DOK3: variants seen among roughly 807,000 people sequenced by gnomAD.
The protein encoded by DOK3 is Dok-like protein.
A neutral mutation model predicts 26.2 loss-of-function variants in DOK3; 23 were observed. The observed-to-expected ratio is 0.88, with a 90% CI of 0.63 to 1.24. DOK3 has a LOEUF of 1.24. DOK3 is among the 50% of genes most tolerant of loss of function. The pLI is 0.00. For synonymous variants in DOK3, 268 were observed against 268.2 expected, an observed-to-expected ratio of 1.00 and a Z score of 0.01; for missense variants, 619 against 610.6, an observed-to-expected ratio of 1.01 and a Z score of -0.15.
rs1369931485 is a variant in DOK3 at position 177,508,475 on chromosome 5, C to T, written c.134G>A (p.Ser45Asn). Residue 45 changes from serine to asparagine, a missense_variant, in exon 3 of 6, where the codon AGC becomes AAC. Physicochemically the swap from Ser to Asn is conservative, Grantham distance 46. Coordinates refer to ENST00000510898, the MANE Select transcript of DOK3 (RefSeq NM_001308236.3). Reference protein sequence around the residue: ...GGPSGVARLESWEVRDGGLGA... With the variant: ...GGPSGVARLENWEVRDGGLGA... ...CAGGCCACCATCCCGGACCTCCCAG[C>T]TCTCCAGCCGTGCCACGCCTGATGG... 4 of 1,590,390 alleles carry T rather than the reference C, an allele frequency of 2.5e-6. No homozygotes were observed. The highest frequency in any genetic ancestry group is 2.6e-6 in the Non-Finnish European group (3 of 1,169,416).
At position 177,505,125 on chromosome 5, in the gene DOK3, C is replaced by A. The variant is rs769284032; in HGVS notation, c.373-15G>T. 3.1e-5 allele frequency: 50 copies of A among 1,593,706 alleles called. No homozygotes were observed. The highest frequency in any genetic ancestry group is 1.7e-4 in the Middle Eastern group (1 of 5,958). Reference sequence around the variant, plus strand: ...TCCCCTGTCCCCTGGGGAATGAGTTCAAGTCAAAGGTGAGAGCACCGCACT... The same window carrying A: ...TCCCCTGTCCCCTGGGGAATGAGTTAAAGTCAAAGGTGAGAGCACCGCACT... On this transcript the variant is annotated splice_polypyrimidine_tract_variant and intron_variant, in intron 3 of 5. Transcript: ENST00000510898.
chr5:177,504,763 G>C lies in DOK3; in HGVS notation c.625C>G (p.Arg209Gly). 1 of 1,614,040 alleles carries C rather than the reference G, an allele frequency of 6.2e-7. No homozygotes were observed. Among genetic ancestry groups the C allele is most frequent in the Non-Finnish European group, 8.5e-7 (1 of 1,179,938 alleles). Residue 209 changes from arginine (R) to glycine (G), a missense_variant, in exon 5 of 6, where the codon CGC becomes GGC. By Grantham distance (125) the Arg-to-Gly change is moderately radical. Coordinates refer to ENST00000510898, the MANE Select transcript of DOK3 (RefSeq NM_001308236.3). ...CTCACCTTGTCGGAGCCGAACTTGCGCAGGAAGTGGTAGGGCCAGCTGTAG... is the reference window on the plus strand; with the variant it reads ...CTCACCTTGTCGGAGCCGAACTTGCCCAGGAAGTGGTAGGGCCAGCTGTAG... Reference protein sequence around the residue: ...ALYSWPYHFLRKFGSDKGVFS... With the variant: ...ALYSWPYHFLGKFGSDKGVFS...
At position 177,503,547 on chromosome 5, in the gene DOK3, A is replaced by T. The variant is rs1759587786; in HGVS notation, c.*436T>A. 1 of 1,392,896 alleles carries T rather than the reference A, an allele frequency of 7.2e-7. No homozygotes were observed. Among genetic ancestry groups the T allele is most frequent in the Admixed American group, 2.9e-5 (1 of 34,816 alleles). 86.3% of individuals were successfully genotyped at this position (1,392,896 alleles called of 1,614,324 possible). ...CATGTTGCTCCTTCCTGAGTCTGAC[A>T]AGTAAGCCTCACAGCTCCCTCCGCC... On this transcript the variant is annotated 3_prime_UTR_variant, in exon 6 of 6. Transcript: ENST00000510898.
Position 177,503,826 on chromosome 5 carries a change from G to A in DOK3, c.*157C>T. On this transcript the variant is annotated 3_prime_UTR_variant, in exon 6 of 6. Coordinates refer to ENST00000510898, the MANE Select transcript of DOK3 (RefSeq NM_001308236.3). Reference sequence around the variant, plus strand: ...CTGCACACTATTCATGAGGAGGGCAGGGCAGGGCTGAGGTCCTCCACAGGC... The same window carrying A: ...CTGCACACTATTCATGAGGAGGGCAAGGCAGGGCTGAGGTCCTCCACAGGC... The A allele has an allele frequency of 7.0e-7, 1 of 1,433,980 alleles. No individual in the cohort carries two copies. Among genetic ancestry groups the A allele is most frequent in the Non-Finnish European group, 9.1e-7 (1 of 1,098,878 alleles). 88.8% of individuals were successfully genotyped at this position (1,433,980 alleles called of 1,614,324 possible).
Position 177,502,814 on chromosome 5 carries a change from A to G in DOK3, c.*1169T>C. On this transcript the variant is annotated 3_prime_UTR_variant, in exon 6 of 6. Coordinates refer to ENST00000510898, the MANE Select transcript of DOK3 (RefSeq NM_001308236.3). ...CTCGCCCAAGGCCGGGGACTTTGCC[A>G]GACCAGTAAGATGAAACGAGAGAGA... 3 of 531,558 alleles carry G rather than the reference A, an allele frequency of 5.6e-6. No homozygotes were observed. Among genetic ancestry groups the G allele is most frequent in the South Asian group, 2.9e-5 (1 of 34,442 alleles). The allele number at this position is 531,558 out of a possible 1,614,324, so 32.9% of individuals were successfully genotyped here.
Position 177,509,663 on chromosome 5 carries a change from G to A in DOK3, c.-117-6C>T. ...GTCCCTCCGTCTAGAGACAGCTGCA[G>A]GCCGGGGGGAGGGGAGCCTGTCTTC... On this transcript the variant is annotated splice_region_variant and splice_polypyrimidine_tract_variant and intron_variant, in intron 1 of 5. Transcript: ENST00000510898. The A allele has an allele frequency of 6.3e-7, 1 of 1,590,134 alleles. No individual in the cohort carries two copies. Among genetic ancestry groups the A allele is most frequent in the South Asian group, 1.1e-5 (1 of 87,892 alleles).
rs1472702116 is a variant in DOK3, at chr5:177,504,762, C to T, written c.626G>A (p.Arg209His). Residue 209 changes from arginine to histidine, a missense_variant, in exon 5 of 6, where the codon CGC (arginine) becomes CAC (histidine). Coordinates refer to ENST00000510898, the MANE Select transcript of DOK3 (RefSeq NM_001308236.3). ...CCTCACCTTGTCGGAGCCGAACTTG[C>T]GCAGGAAGTGGTAGGGCCAGCTGTA... ...ALYSWPYHFL[R>H]KFGSDKGVFS... 6.8e-6 allele frequency: 11 copies of T among 1,613,930 alleles called. No individual in the cohort carries two copies. Among genetic ancestry groups the T allele is most frequent in the East Asian group, 2.2e-5 (1 of 44,892 alleles).
At position 177,504,658 on chromosome 5, in the gene DOK3, G is replaced by A. The variant is rs767587761; in HGVS notation, c.648C>T (p.Gly216=). 1.5e-4 allele frequency: 243 copies of A among 1,613,032 alleles called. No individual in the cohort carries two copies. Among genetic ancestry groups the A allele is most frequent in the Non-Finnish European group, 1.9e-4 (220 of 1,179,858 alleles). Residue 216 remains glycine, a splice_region_variant and synonymous_variant, in exon 6 of 6, where the codon GGC becomes GGT. Coordinates refer to ENST00000510898, the MANE Select transcript of DOK3 (RefSeq NM_001308236.3). ...GACGGCCGGCCTCAAAGGAGAACAC[G>A]CCCTGGGCACAGGGCACACGGGTGG... ...HFLRKFGSDK[G]VFSFEAGRRC... is the part of the protein sequence containing the mutation.
intron 2 of DOK3, chr5:177,509,102 C>G (rs1760639299): frequency 4.6e-6 from 1 of 217,776 alleles, no homozygotes; most frequent in African/African-American, 2.3e-5. Context: ...AGTGCCGCTG[C>G]AGGGAGGGGC....
At chr5:177,508,671 G>C in intron 2 of DOK3, 129 bp from the exon 3 acceptor site, 1 of 1,101,222 alleles carries the variant, frequency 9.1e-7, no homozygotes, top group Non-Finnish European at 1.2e-6. Context: ...TTCTCAGGGA[G>C]CCAGGTAAGG....
At chr5:177,509,193 G>C (rs79999495) in intron 2 of DOK3, 25,311 of 394,086 alleles carry the variant, frequency 0.064, 1,133 homozygotes, top group East Asian at 0.19. Flanking sequence ...GTCAGAGGCT[G>C]TGAAGCTCTT....
chr5:177,504,746 G>T lies in DOK3; in HGVS notation c.642C>A (p.Asp214Glu), dbSNP rs1581780851. The change falls in exon 5 of 6, where the codon GAC becomes GAA. Residue 214 changes from aspartate to glutamate, a missense_variant. Physicochemically the swap from Asp to Glu is conservative, Grantham distance 45. Transcript: ENST00000510898. ...CTTTCCCACCCCTGCACCTCACCTT[G>T]TCGGAGCCGAACTTGCGCAGGAAGT... Reference protein sequence around the residue: ...PYHFLRKFGSDKGVFSFEAGR... With the variant: ...PYHFLRKFGSEKGVFSFEAGR... The T allele has an allele frequency of 6.2e-7, 1 of 1,614,046 alleles. No homozygotes were observed. Among genetic ancestry groups the T allele is most frequent in the East Asian group, 2.2e-5 (1 of 44,882 alleles).
chr5:177,503,815 T>C lies in DOK3; in HGVS notation c.*168A>G. On this transcript the variant is annotated 3_prime_UTR_variant, in exon 6 of 6. Coordinates refer to ENST00000510898, the MANE Select transcript of DOK3 (RefSeq NM_001308236.3). ...TATCTGTGAGTCTGCACACTATTCATGAGGAGGGCAGGGCAGGGCTGAGGT... is the reference window on the plus strand; with the variant it reads ...TATCTGTGAGTCTGCACACTATTCACGAGGAGGGCAGGGCAGGGCTGAGGT... The C allele has an allele frequency of 1.4e-6, 2 of 1,432,314 alleles. No homozygotes were observed. Among genetic ancestry groups the C allele is most frequent in the Non-Finnish European group, 1.8e-6 (2 of 1,097,848 alleles). 88.7% of individuals were successfully genotyped at this position (1,432,314 alleles called of 1,614,324 possible).
chr5:177,503,371 C>T lies in DOK3; in HGVS notation c.*612G>A, dbSNP rs1362559178. 26 of 1,540,080 alleles carry T rather than the reference C, an allele frequency of 1.7e-5. No homozygotes were observed. The highest frequency in any genetic ancestry group is 4.9e-5 in the East Asian group (2 of 40,592). ...TCTCCTTTACAGATGAGGAGACTGA[C>T]GCCTGGGGTTCCCAGAAGTATCTGC... On this transcript the variant is annotated 3_prime_UTR_variant, in exon 6 of 6. Coordinates refer to ENST00000510898, the MANE Select transcript of DOK3 (RefSeq NM_001308236.3).
rs762413405 is a variant in DOK3, at chr5:177,503,989, C to T, written c.1317G>A (p.Arg439=). Residue 439 remains arginine (R), a synonymous_variant, in exon 6 of 6, where the codon CGG becomes CGA. Coordinates refer to ENST00000510898, the MANE Select transcript of DOK3 (RefSeq NM_001308236.3). The part of the protein sequence containing the change: ...ERRKGPAPCD[R]P ...CCACCACTCTGCTGGGCGTTCAGGG[C>T]CGGTCACAAGGGGCTGGGCCCTTCC... 1 of 1,546,926 alleles carries T rather than the reference C, an allele frequency of 6.5e-7. No homozygotes were observed. The highest frequency in any genetic ancestry group is 1.2e-5 in the South Asian group (1 of 84,048).
rs572684914 is a variant in DOK3, at chr5:177,509,565, C to T, written c.-25G>A. 26 of 1,609,646 alleles carry T rather than the reference C, an allele frequency of 1.6e-5. 1 individual carries two copies. The highest frequency in any genetic ancestry group is 8.9e-5 in the East Asian group (4 of 44,876). ...TGGTCACGGCCAGGAGCAGGGCCGC[C>T]GCTTCAAGACCTGGGGAGACTGATG... is the stretch of plus-strand genomic sequence containing the variant. On this transcript the variant is annotated 5_prime_UTR_variant, in exon 2 of 6. Coordinates refer to ENST00000510898, the MANE Select transcript of DOK3 (RefSeq NM_001308236.3).
chr5:177,507,009 C>G (rs1039885622), intron 3 of DOK3, among the ~76,000 whole-genome samples: 17 of 152,068 alleles, frequency 1.1e-4, no homozygotes, highest in Non-Finnish European at 1.5e-5. Flanking sequence ...AGTATACTCA[C>G]AAGGCTGTGC....
chr5:177,503,701 C>A lies in DOK3; in HGVS notation c.*282G>T. 7.1e-7 allele frequency: 1 copy of A among 1,399,598 alleles called. No homozygotes were observed. The highest frequency in any genetic ancestry group is 9.3e-7 in the Non-Finnish European group (1 of 1,080,494). 86.7% of individuals were successfully genotyped at this position (1,399,598 alleles called of 1,614,324 possible). ...GCCCAGGTCACCTGTGCCCCTGGAA[C>A]CGGCACAGGGTGCTTGTGTTGGCCG... On this transcript the variant is annotated 3_prime_UTR_variant, in exon 6 of 6. Coordinates refer to ENST00000510898, the MANE Select transcript of DOK3 (RefSeq NM_001308236.3).
chr5:177,506,186 T>A (rs1331151527), intron 3 of DOK3, among the ~76,000 whole-genome samples: 1 of 151,804 alleles, frequency 6.6e-6, no homozygotes, highest in Non-Finnish European at 1.5e-5. Flanking sequence ...ACTCCTGACC[T>A]CAGGTGATCC....
Sources: gnomAD v4.1 joint callset for allele counts (sites outside exome capture counted in the v4.1 genomes callset) on GRCh38, gnomAD v4.1.1 for gene constraint, MANE v1.5 for transcripts, NCBI Gene and HGNC (gene_info 2026-07-23, HGNC 2026-07-21) for gene names.